SENP6: variants seen among roughly 807,000 people sequenced by gnomAD.
SENP6 encodes SUMO specific peptidase 6, also known as sentrin-specific protease 6.
SENP6 carries 41 observed loss-of-function variants against 134.5 expected under a neutral mutation model. The observed-to-expected ratio is 0.30, with a 90% CI of 0.24 to 0.40. The LOEUF (loss-of-function observed/expected upper bound fraction) is 0.40. Ranked by LOEUF, SENP6 falls within the 10% of genes least tolerant of loss-of-function variation. SENP6 has a pLI of 1.00. For missense variants in SENP6, 1,248 were observed against 1,312.5 expected (o/e 0.95, Z 0.76); for synonymous variants, 395 against 429.8 (o/e 0.92, Z 1.00).
intron 11 of SENP6, among the ~76,000 whole-genome samples, chr6:75,673,531 C>A (rs1243294912): frequency 1.3e-5 from 2 of 151,090 alleles, no homozygotes; most frequent in Non-Finnish European, 3.0e-5. Flanking sequence ...ATCATCTTGG[C>A]CAGGCTGGTC....
intron 1 of SENP6, among the ~76,000 whole-genome samples, chr6:75,619,935 A>AT (rs1023990489): frequency 1.3e-5 from 2 of 152,038 alleles, no homozygotes; most frequent in Non-Finnish European, 2.9e-5. Flanking sequence ...CTACAAAAAA[A>AT]TTTAAAAATT....
chr6:75,669,846 C>T (rs1453790184), intron 10 of SENP6, among the ~76,000 whole-genome samples: 2 of 152,134 alleles, frequency 1.3e-5, no homozygotes, highest in African/African-American at 2.4e-5. Flanking sequence ...GCTTTTTATG[C>T]ATTAACTCAG....
chr6:75,634,952 T>C, intron 5 of SENP6, 141 bp downstream of exon 5: 2 of 690,416 alleles, frequency 2.9e-6, no homozygotes, highest in Non-Finnish European at 5.3e-6. Context: ...AAATAATTCA[T>C]GACATGAAAT....
At chr6:75,605,707 A>T (rs145676643) in intron 1 of SENP6, among the ~76,000 whole-genome samples, 43 of 152,340 alleles carry the variant, frequency 2.8e-4, no homozygotes, top group African/African-American at 1.0e-3. Flanking sequence ...TTCATGCAGG[A>T]TCATGAATAA....
At chr6:75,670,776 C>G in intron 11 of SENP6, 56 bp downstream of exon 11, 2 of 1,019,890 alleles carry the variant, frequency 2.0e-6, no homozygotes, top group Admixed American at 3.6e-5. Context: ...AATTCCGTTG[C>G]TAAAGCTAAT....
chr6:75,615,012 T>C (rs1192427689), intron 1 of SENP6, among the ~76,000 whole-genome samples: 1 of 152,198 alleles, frequency 6.6e-6, no homozygotes, highest in East Asian at 1.9e-4. Context: ...TGCCTCAGCC[T>C]CCCAATTAGC....
chr6:75,702,578 A>C lies in SENP6; in HGVS notation c.2289-67A>C, dbSNP rs900729876. On this transcript the variant is annotated intron_variant, in intron 18 of 23. Coordinates refer to ENST00000447266, the MANE Select transcript of SENP6 (RefSeq NM_015571.4). ...ACTTTAGAAAAAAACATTTTAATTG[A>C]TATGTATTGCCAAATATAATAAACT... The C allele has an allele frequency of 4.5e-6, 6 of 1,338,810 alleles. No homozygotes were observed. The African/African-American group carries it at 8.9e-5, about 20-fold the overall frequency. 82.9% of individuals were successfully genotyped at this position (1,338,810 alleles called of 1,614,324 possible).
In SENP6 at chr6:75,678,757, TTG is replaced by T; in HGVS notation, c.1959-50_1959-49del. The T allele has an allele frequency of 1.2e-5, 17 of 1,365,966 alleles. No homozygotes were observed. The South Asian group carries it at 2.0e-4, about 16-fold the overall frequency. 84.6% of individuals were successfully genotyped at this position (1,365,966 alleles called of 1,614,324 possible). ...CTTTCTCTGTTTTATTACATTTCAG[TTG>T]TGTATATATATATAGATTTGTTTAT... is the stretch of plus-strand genomic sequence containing the variant. On this transcript the variant is annotated intron_variant, in intron 15 of 23. Coordinates refer to ENST00000447266, the MANE Select transcript of SENP6 (RefSeq NM_015571.4).
chr6:75,714,974 C>A lies in SENP6; in HGVS notation c.3130-411C>A, dbSNP rs550568110. On this transcript the variant is annotated intron_variant, in intron 23 of 23. Transcript: ENST00000447266. ...TTGTTTTAATTGTTGAATTACCTGTCTTTCTAAACTGGAGCTGGCAAACTT... is the reference window on the plus strand; with the variant it reads ...TTGTTTTAATTGTTGAATTACCTGTATTTCTAAACTGGAGCTGGCAAACTT... Among the ~76,000 whole-genome samples, 4 of 152,286 alleles carry A rather than the reference C, an allele frequency of 2.6e-5. No homozygotes were observed. The East Asian group carries it at 7.7e-4, about 29-fold the overall frequency.
At position 75,675,916 on chromosome 6, in the gene SENP6, G is replaced by A; in HGVS notation, c.1483G>A (p.Glu495Lys). 6.2e-7 allele frequency: 1 copy of A among 1,611,542 alleles called. No individual in the cohort carries two copies. The highest frequency in any genetic ancestry group is 2.2e-5 in the East Asian group (1 of 44,718). Residue 495 changes from glutamate to lysine, a missense_variant, in exon 13 of 24, where the codon GAA (glutamate) becomes AAA (lysine). Physicochemically the swap from Glu to Lys is moderately conservative, Grantham distance 56. Coordinates refer to ENST00000447266, the MANE Select transcript of SENP6 (RefSeq NM_015571.4). ...ILNTSDLTKCEWCNVRKLPVV... is the reference protein window; with the variant it reads ...ILNTSDLTKCKWCNVRKLPVV... ...AAATACCTCTGATCTAACTAAATGT[G>A]AATGGTGTAATGTCCGAAAATTACC...
At chr6:75,648,841 A>G (rs564795366) in intron 7 of SENP6, among the ~76,000 whole-genome samples, 2 of 152,260 alleles carry the variant, frequency 1.3e-5, no homozygotes, top group African/African-American at 2.4e-5. Context: ...AAGCTAAAAA[A>G]CTTCCTCAAG....
intron 16 of SENP6, among the ~76,000 whole-genome samples, chr6:75,687,987 A>G (rs1773964567): frequency 6.6e-6 from 1 of 152,216 alleles, no homozygotes; most frequent in Admixed American, 6.5e-5. Flanking sequence ...TTTTTCAGCT[A>G]TGCCCTGCCC....
chr6:75,622,307 C>T (rs1028009654), intron 2 of SENP6, among the ~76,000 whole-genome samples: 5 of 152,236 alleles, frequency 3.3e-5, no homozygotes, highest in African/African-American at 1.2e-4. Context: ...CCTGTAATCC[C>T]AACACTTTGG....
chr6:75,608,438 G>T (rs1458308678), intron 1 of SENP6, among the ~76,000 whole-genome samples: 1 of 151,722 alleles, frequency 6.6e-6, no homozygotes, highest in Non-Finnish European at 1.5e-5. Context: ...CAGCCTGGGT[G>T]ACAGAGCTGA....
chr6:75,671,734 AAAAG>A (rs1484523890), intron 11 of SENP6, among the ~76,000 whole-genome samples: 3 of 152,230 alleles, frequency 2.0e-5, no homozygotes, highest in Non-Finnish European at 4.4e-5. Flanking sequence ...AAAACAGAAA[AAAAG>A]AAAGAATTAT....
intron 2 of SENP6, among the ~76,000 whole-genome samples, chr6:75,622,086 C>T (rs1291046662): frequency 6.6e-6 from 1 of 152,132 alleles, no homozygotes; most frequent in Non-Finnish European, 1.5e-5. Context: ...GTCAGATTCT[C>T]ACCAGAGAAA....
At chr6:75,695,489 C>T (rs2149894559) in intron 16 of SENP6, among the ~76,000 whole-genome samples, 1 of 152,306 alleles carries the variant, frequency 6.6e-6, no homozygotes, top group African/African-American at 2.4e-5. Context: ...GTAATCCCAG[C>T]ACTTTGGGAG....
intron 10 of SENP6, 46 bp from the exon 11 acceptor site, chr6:75,670,507 C>T: frequency 7.0e-7 from 1 of 1,433,414 alleles, no homozygotes; most frequent in Non-Finnish European, 9.6e-7. Flanking sequence ...AGCTTGCAGC[C>T]TTATTTTAGT....
chr6:75,669,435 ATATT>A (rs1293648905), intron 10 of SENP6, among the ~76,000 whole-genome samples: 1 of 152,172 alleles, frequency 6.6e-6, no homozygotes, highest in Non-Finnish European at 1.5e-5. Flanking sequence ...TCATATGATC[ATATT>A]TTGTTTAAAA....
Sources: allele counts gnomAD v4.1 joint callset (sites outside exome capture counted in the v4.1 genomes callset), GRCh38; gene constraint gnomAD v4.1.1; transcripts MANE v1.5; gene names NCBI Gene and HGNC (gene_info 2026-07-23, HGNC 2026-07-21).